ZC3H12B: variants seen among roughly 807,000 people sequenced by gnomAD.
The protein encoded by ZC3H12B is zinc finger CCCH-type containing 12B.
Under a neutral mutation model 43.9 loss-of-function variants are expected in ZC3H12B, and 7 were observed. The observed-to-expected ratio is 0.16, with a 90% CI of 0.09 to 0.30. ZC3H12B has a LOEUF of 0.30. Ranked by LOEUF, ZC3H12B falls within the 10% of genes least tolerant of loss-of-function variation. The probability of loss-of-function intolerance (pLI) is 1.00; values close to 1 mark genes in which losing one functional copy is unlikely to be tolerated. For synonymous variants in ZC3H12B, 222 were observed against 241.7 expected (o/e 0.92, Z 0.76); for missense variants, 475 against 670.2 (o/e 0.71, Z 3.22).
chrX:65,125,371 TTGATTTTCTTAATGTACTGAG>T, the ZC3H12B span, among the ~76,000 whole-genome samples: 2 of 111,679 alleles, frequency 1.8e-5, no homozygotes, highest in Admixed American at 1.9e-4. Context: ...TGATATTACT[TTGATTTTCTTAATGTACTGAG>T]ACTTGTTTAT....
the ZC3H12B span, among the ~76,000 whole-genome samples, chrX:65,265,295 A>T: frequency 8.9e-6 from 1 of 112,134 alleles, no homozygotes; most frequent in African/African-American, 3.2e-5. Flanking sequence ...TGAAATAACG[A>T]ATATCTGATA....
At chrX:65,229,136 C>T in the ZC3H12B span, among the ~76,000 whole-genome samples, 1 of 110,546 alleles carries the variant, frequency 9.0e-6, no homozygotes, top group East Asian at 2.9e-4. Flanking sequence ...TCAAACTATA[C>T]TACAAGGCTA....
intron 2 of ZC3H12B, among the ~76,000 whole-genome samples, chrX:65,379,393 G>A (rs1282847145): frequency 5.4e-5 from 6 of 111,438 alleles, no homozygotes; most frequent in Non-Finnish European, 9.4e-5. Context: ...TGCAGCTGAG[G>A]GTCCTCTCTG....
At chrX:65,107,887 T>C in the ZC3H12B span, among the ~76,000 whole-genome samples, 23 of 111,381 alleles carry the variant, frequency 2.1e-4, no homozygotes, top group Middle Eastern at 4.6e-3. Flanking sequence ...AATGGACTAA[T>C]ACAAGTCTAT....
At chrX:65,294,067 G>A in the ZC3H12B span, among the ~76,000 whole-genome samples, 2 of 111,405 alleles carry the variant, frequency 1.8e-5, no homozygotes, top group Non-Finnish European at 3.8e-5. Flanking sequence ...ATTCTCTAAA[G>A]TCAAGATGAA....
chrX:65,159,814 T>G, the ZC3H12B span, among the ~76,000 whole-genome samples: 2 of 111,956 alleles, frequency 1.8e-5, no homozygotes, highest in African/African-American at 6.5e-5. Flanking sequence ...AGAGGAGTGG[T>G]GAGAGAGGGC....
chrX:65,408,302 G>T, intron 3 of ZC3H12B: 1 of 1,186,838 alleles, frequency 8.4e-7, no homozygotes, highest in South Asian at 1.8e-5. Flanking sequence ...ATTAAACATT[G>T]AAATGCACAA....
At chrX:65,124,645 T>C in the ZC3H12B span, among the ~76,000 whole-genome samples, 155 of 111,131 alleles carry the variant, frequency 1.4e-3, 4 homozygotes, top group East Asian at 0.043. Context: ...ATTTTTAAAT[T>C]ACCATTTCAA....
chrX:65,386,620 A>G (rs2066530320), intron 2 of ZC3H12B, among the ~76,000 whole-genome samples: 1 of 110,082 alleles, frequency 9.1e-6, no homozygotes, highest in Non-Finnish European at 1.9e-5. Context: ...TGATTTTTTG[A>G]AGGGTTTTTT....
the ZC3H12B span, among the ~76,000 whole-genome samples, chrX:65,170,193 A>C: frequency 9.0e-6 from 1 of 111,595 alleles, no homozygotes; most frequent in African/African-American, 3.3e-5. Flanking sequence ...TTCCATGGTT[A>C]GTGCTTTTTT....
chrX:65,450,781 G>T (rs867797706), intron 3 of ZC3H12B, among the ~76,000 whole-genome samples: 4 of 54,542 alleles, frequency 7.3e-5, no homozygotes. Context: ...ATACATATGT[G>T]TATATATGTA....
At chrX:65,050,479 G>A in the ZC3H12B span, among the ~76,000 whole-genome samples, 1 of 111,013 alleles carries the variant, frequency 9.0e-6, no homozygotes, top group African/African-American at 3.3e-5. Flanking sequence ...CCTTGTTCCT[G>A]ATCTTAAAGG....
the ZC3H12B span, among the ~76,000 whole-genome samples, chrX:65,300,441 CCTT>C: frequency 3.6e-5 from 4 of 111,355 alleles, no homozygotes; most frequent in South Asian, 1.5e-3. Context: ...CAGCCATAAT[CCTT>C]CTGGGAATGC....
the ZC3H12B span, among the ~76,000 whole-genome samples, chrX:65,209,378 G>C: frequency 3.9e-5 from 3 of 77,239 alleles, no homozygotes; most frequent in Non-Finnish European, 7.3e-5. Context: ...GGTATGTGGT[G>C]TCTTTGTTCT....
At chrX:65,133,001 T>C in the ZC3H12B span, among the ~76,000 whole-genome samples, 1 of 111,360 alleles carries the variant, frequency 9.0e-6, no homozygotes, top group Non-Finnish European at 1.9e-5. Flanking sequence ...GACAGTCCGA[T>C]TTCCAGTGGG....
At chrX:65,152,687 C>A in the ZC3H12B span, among the ~76,000 whole-genome samples, 2 of 111,150 alleles carry the variant, frequency 1.8e-5, no homozygotes, top group East Asian at 5.6e-4. Context: ...TCAATGCCAT[C>A]CCCATCAAGC....
At chrX:65,115,838 C>T in the ZC3H12B span, among the ~76,000 whole-genome samples, 1 of 111,639 alleles carries the variant, frequency 9.0e-6, no homozygotes, top group Non-Finnish European at 1.9e-5. Flanking sequence ...TGCTTTTTGG[C>T]CATTTGTATG....
At chrX:65,210,836 G>T in the ZC3H12B span, among the ~76,000 whole-genome samples, 1 of 38,196 alleles carries the variant, frequency 2.6e-5, no homozygotes, top group Non-Finnish European at 4.3e-5. Flanking sequence ...ACCAAACACC[G>T]CATATTCTCA....
chrX:65,368,475 G>T (rs1294308515), intron 1 of ZC3H12B, among the ~76,000 whole-genome samples: 4 of 111,497 alleles, frequency 3.6e-5, no homozygotes, highest in Non-Finnish European at 7.5e-5. Context: ...TTCATCCGTG[G>T]TTCTCTTTTT....
Sources: gnomAD v4.1 joint callset for allele counts (sites outside exome capture counted in the v4.1 genomes callset) on GRCh38, gnomAD v4.1.1 for gene constraint, MANE v1.5 for transcripts, NCBI Gene and HGNC (gene_info 2026-07-23, HGNC 2026-07-21) for gene names.